The following CCDC32 variants were observed in gnomAD, a reference collection of about 807,000 sequenced individuals.
The protein encoded by CCDC32 is coiled-coil domain containing 32.
A neutral mutation model predicts 20.1 loss-of-function variants in CCDC32; 9 were observed. The observed-to-expected ratio is 0.45, with a 90% CI of 0.27 to 0.78. The LOEUF (loss-of-function observed/expected upper bound fraction) is 0.78, where lower values mean the gene tolerates loss of function less well. Ranked by LOEUF, CCDC32 falls within the 30% of genes least tolerant of loss-of-function variation. The pLI is 0.16. For synonymous variants in CCDC32, 63 were observed against 79.0 expected (o/e 0.80, Z 1.07); for missense variants, 204 against 215.5 (o/e 0.95, Z 0.33).
intron 2 of CCDC32, chr15:40,562,106 A>G (rs1298166997): frequency 6.6e-6 from 1 of 151,110 alleles, no homozygotes; most frequent in Non-Finnish European, 1.5e-5. Context: ...AGAAATCCAC[A>G]TGTAGCCCTG....
chr15:40,564,480 A>G (rs1476449273), intron 1 of CCDC32, among the ~76,000 whole-genome samples: 1 of 152,088 alleles, frequency 6.6e-6, no homozygotes, highest in African/African-American at 2.4e-5. Flanking sequence ...AAGCAGCCCA[A>G]GCACGGGCAG....
downstream of CCDC32, among the ~76,000 whole-genome samples, chr15:40,530,593 C>T (rs1429557099): frequency 6.6e-6 from 1 of 151,078 alleles, no homozygotes; most frequent in Non-Finnish European, 1.5e-5. Context: ...GCTTTGCCTT[C>T]CACCATGATT....
At chr15:40,551,809 CA>C (rs59499493), downstream of CCDC32, among the ~76,000 whole-genome samples, 19 of 96,360 alleles carry the variant, frequency 2.0e-4, no homozygotes, top group East Asian at 5.3e-4. Flanking sequence ...GACCCTGTCT[CA>C]AAAAAAAAAA....
downstream of CCDC32, among the ~76,000 whole-genome samples, chr15:40,552,306 C>T (rs1397616254): frequency 6.6e-6 from 1 of 151,450 alleles, no homozygotes; most frequent in Admixed American, 6.6e-5. Flanking sequence ...TGGAGAAACC[C>T]CAAATCTACT....
intron 2 of CCDC32, among the ~76,000 whole-genome samples, chr15:40,561,660 C>G (rs1411316522): frequency 6.6e-6 from 1 of 151,956 alleles, no homozygotes; most frequent in African/African-American, 2.4e-5. Flanking sequence ...TACAATTAAT[C>G]CATGTAGCCA....
chr15:40,527,335 T>C (rs895444365), downstream of CCDC32, among the ~76,000 whole-genome samples: 3 of 152,278 alleles, frequency 2.0e-5, no homozygotes, highest in Admixed American at 6.5e-5. Context: ...CATGCCTATC[T>C]AATTTTTGTA....
downstream of CCDC32, among the ~76,000 whole-genome samples, chr15:40,533,606 G>A (rs1342362160): frequency 6.6e-6 from 1 of 152,108 alleles, no homozygotes; most frequent in Non-Finnish European, 1.5e-5. Flanking sequence ...AGCTCCCAAA[G>A]TGCTGGGATT....
At chr15:40,563,597 G>A (rs910681673) in intron 1 of CCDC32, among the ~76,000 whole-genome samples, 48 of 151,776 alleles carry the variant, frequency 3.2e-4, no homozygotes, top group African/African-American at 1.2e-3. Flanking sequence ...TGGTAGTTAT[G>A]GTTGCACAAC....
rs1267895824 is a variant in CCDC32 at position 40,553,232 on chromosome 15, C to CT, written c.*738dup. The CT allele has an allele frequency of 1.5e-5, 15 of 985,336 alleles. No individual in the cohort carries two copies. The highest frequency in any genetic ancestry group is 1.7e-5 in the African/African-American group (1 of 57,244). The allele number at this position is 985,336 out of a possible 1,614,324, so 61.0% of individuals were successfully genotyped here. ...AACTATCCAGGAGTAGTGTCAAACA[C>CT]TAACACCATATTTACAAGTCTAATT... On this transcript the variant is annotated 3_prime_UTR_variant, in exon 4 of 4. Coordinates refer to ENST00000416810, the MANE Select transcript of CCDC32 (RefSeq NM_001080792.4).
chr15:40,547,659 A>G (rs767960721), intron 3 of CCDC32, among the ~76,000 whole-genome samples: 48 of 152,194 alleles, frequency 3.2e-4, no homozygotes, highest in Non-Finnish European at 5.7e-4. Flanking sequence ...CCAGAAGCAG[A>G]TAAGTTTTGC....
At chr15:40,538,902 C>A (rs1030826832), downstream of CCDC32, 2 of 334,840 alleles carry the variant, frequency 6.0e-6, no homozygotes, top group South Asian at 8.1e-5. Context: ...ACCTTTAGTA[C>A]CCACCCATGA....
downstream of CCDC32, chr15:40,537,225 G>A (rs1239542937): frequency 6.6e-6 from 1 of 152,326 alleles, no homozygotes; most frequent in Non-Finnish European, 1.5e-5. Context: ...GACTTTATCA[G>A]TATCCCTGGG....
At chr15:40,552,589 G>T (rs1889937522), downstream of CCDC32, among the ~76,000 whole-genome samples, 1 of 150,532 alleles carries the variant, frequency 6.6e-6, no homozygotes, top group South Asian at 2.1e-4. Context: ...CTATCCTTTT[G>T]GGCAAGACAA....
At chr15:40,544,339 G>A (rs867997618) in intron 3 of CCDC32, among the ~76,000 whole-genome samples, 10 of 151,946 alleles carry the variant, frequency 6.6e-5, no homozygotes, top group Non-Finnish European at 1.2e-4. Flanking sequence ...TCAGCATCCC[G>A]AGTAGCTGGA....
intron 3 of CCDC32, among the ~76,000 whole-genome samples, chr15:40,556,270 G>C (rs1890230602): frequency 6.6e-6 from 1 of 152,186 alleles, no homozygotes; most frequent in Non-Finnish European, 1.5e-5. Context: ...AAAGCCAGGA[G>C]GGAGCTCAGT....
chr15:40,534,627 A>C, downstream of CCDC32: 1 of 354,796 alleles, frequency 2.8e-6, no homozygotes. Flanking sequence ...ACAATTCAAG[A>C]TGAGACTTGG....
intron 2 of CCDC32, among the ~76,000 whole-genome samples, chr15:40,558,551 G>C (rs1890405196): frequency 1.3e-5 from 2 of 152,014 alleles, no homozygotes; most frequent in African/African-American, 4.8e-5. Flanking sequence ...ACTCTTTTGG[G>C]CCGGAAAAGG....
At chr15:40,558,292 G>A (rs1003947196) in intron 2 of CCDC32, among the ~76,000 whole-genome samples, 1 of 152,088 alleles carries the variant, frequency 6.6e-6, no homozygotes, top group African/African-American at 2.4e-5. Context: ...AACACCCACT[G>A]ATCAAAACAA....
intron 3 of CCDC32, among the ~76,000 whole-genome samples, chr15:40,543,629 A>AT (rs1208349889): frequency 3.3e-5 from 5 of 152,196 alleles, no homozygotes; most frequent in African/African-American, 1.2e-4. Context: ...TAATTTTTGT[A>AT]TTTTTAGTAG....
Sources: allele counts gnomAD v4.1 joint callset (sites outside exome capture counted in the v4.1 genomes callset), GRCh38; gene constraint gnomAD v4.1.1; transcripts MANE v1.5; gene names NCBI Gene and HGNC (gene_info 2026-07-23, HGNC 2026-07-21).